THSD7B: variants seen among roughly 807,000 people sequenced by gnomAD.
The protein encoded by THSD7B is thrombospondin type-1 domain-containing protein 7B.
A neutral mutation model predicts 213.6 loss-of-function variants in THSD7B; 138 were observed. That is an observed-to-expected ratio of 0.65 (90% CI 0.56 to 0.74). The LOEUF (loss-of-function observed/expected upper bound fraction) is 0.74. THSD7B is among the 30% of genes least tolerant of loss of function. The pLI is 0.00. For missense variants in THSD7B, 1,931 were observed against 1,991.5 expected, an observed-to-expected ratio of 0.97 and a Z score of 0.58; for synonymous variants, 742 against 687.0, an observed-to-expected ratio of 1.08 and a Z score of -1.25.
In THSD7B at chr2:137,102,253, T is replaced by A. The variant is rs1328897192; in HGVS notation, c.1199+7132T>A. ...TGGAGATACCCAGGCAAACAGAGCC[T>A]GAAGTGGACCTCCAGCAGACTCCAG... On this transcript the variant is annotated intron_variant, in intron 4 of 27. Coordinates refer to ENST00000409968, the MANE Select transcript of THSD7B (RefSeq NM_001316349.2). 3.4e-3 allele frequency among the ~76,000 whole-genome samples: 517 copies of A among 152,304 alleles called. 3 individuals are homozygous for A. The highest frequency in any genetic ancestry group is 0.011 in the African/African-American group (438 of 41,560).
At chr2:137,445,565 G>A (rs900736825) in intron 14 of THSD7B, among the ~76,000 whole-genome samples, 1 of 151,840 alleles carries the variant, frequency 6.6e-6, no homozygotes, top group Admixed American at 6.6e-5. Flanking sequence ...AAACAATATG[G>A]ATCTCATGGA....
intron 1 of THSD7B, among the ~76,000 whole-genome samples, chr2:136,816,634 T>C (rs1467431443): frequency 1.3e-5 from 2 of 152,212 alleles, no homozygotes; most frequent in Non-Finnish European, 2.9e-5. Context: ...GATTTTTGCA[T>C]AGGATTTCTT....
intron 1 of THSD7B, among the ~76,000 whole-genome samples, chr2:136,834,964 C>A (rs1355252069): frequency 6.6e-6 from 1 of 151,882 alleles, no homozygotes; most frequent in Non-Finnish European, 1.5e-5. Context: ...CTCATAAAAC[C>A]AGTGAGAGAG....
At chr2:136,878,616 G>T (rs1683565538) in intron 1 of THSD7B, among the ~76,000 whole-genome samples, 1 of 151,966 alleles carries the variant, frequency 6.6e-6, no homozygotes, top group Non-Finnish European at 1.5e-5. Flanking sequence ...CATTCTAACT[G>T]GTGTGAGATG....
At chr2:137,366,062 T>TA (rs1685399273) in intron 12 of THSD7B, among the ~76,000 whole-genome samples, 1 of 147,392 alleles carries the variant, frequency 6.8e-6, no homozygotes, top group East Asian at 2.0e-4. Flanking sequence ...TATGCAGCCA[T>TA]AAAAAAGGAC....
intron 2 of THSD7B, among the ~76,000 whole-genome samples, chr2:136,991,151 G>A (rs1225292229): frequency 1.3e-5 from 2 of 152,186 alleles, no homozygotes; most frequent in East Asian, 3.8e-4. Flanking sequence ...TAAAACTCAA[G>A]AGATTTTTCA....
rs867378045 is a variant in THSD7B at position 137,448,614 on chromosome 2, G to A, written c.2960-2231G>A. Among the ~76,000 whole-genome samples, 5 of 152,060 alleles carry A rather than the reference G, an allele frequency of 3.3e-5. No individual in the cohort carries two copies. The East Asian group carries it at 5.8e-4, about 18-fold the overall frequency. Reference sequence around the variant, plus strand: ...CACGAGGTCAGGAGATTGACACCACGGTGAAACCCCATCTCTACTAAAAAT... The same window carrying A: ...CACGAGGTCAGGAGATTGACACCACAGTGAAACCCCATCTCTACTAAAAAT... On this transcript the variant is annotated intron_variant, in intron 14 of 27. Coordinates refer to ENST00000409968, the MANE Select transcript of THSD7B (RefSeq NM_001316349.2).
At chr2:136,983,371 G>GACACA (rs1398395384) in intron 2 of THSD7B, among the ~76,000 whole-genome samples, 2 of 141,114 alleles carry the variant, frequency 1.4e-5, no homozygotes, top group Admixed American at 7.2e-5. Context: ...ACACACACAC[G>GACACA]CACACACACT....
At chr2:137,102,212 G>T (rs1041317488) in intron 4 of THSD7B, among the ~76,000 whole-genome samples, 2 of 152,220 alleles carry the variant, frequency 1.3e-5, no homozygotes, top group Non-Finnish European at 2.9e-5. Flanking sequence ...GCAATCTGCT[G>T]TTCTGCAGCC....
At chr2:136,857,473 C>T (rs1683194172) in intron 1 of THSD7B, among the ~76,000 whole-genome samples, 1 of 152,214 alleles carries the variant, frequency 6.6e-6, no homozygotes, top group East Asian at 1.9e-4. Flanking sequence ...TGTTCTTTTA[C>T]CAAGTCCTAG....
At chr2:137,452,691 CT>C (rs1323556999) in intron 15 of THSD7B, among the ~76,000 whole-genome samples, 1 of 152,108 alleles carries the variant, frequency 6.6e-6, no homozygotes, top group Non-Finnish European at 1.5e-5. Flanking sequence ...TTTATTTGAA[CT>C]CTGAGTTTAA....
chr2:137,457,271 A>G (rs1558803187), intron 15 of THSD7B, among the ~76,000 whole-genome samples: 1 of 151,932 alleles, frequency 6.6e-6, no homozygotes, highest in Non-Finnish European at 1.5e-5. Context: ...ATTTTACTAT[A>G]TTTTTTCATA....
chr2:137,228,886 A>G (rs984383427), intron 7 of THSD7B, among the ~76,000 whole-genome samples: 1 of 152,190 alleles, frequency 6.6e-6, no homozygotes, highest in Non-Finnish European at 1.5e-5. Flanking sequence ...TGCCTTGGAC[A>G]TAGTATTTAC....
intron 2 of THSD7B, among the ~76,000 whole-genome samples, chr2:137,053,141 C>T (rs1366794027): frequency 6.6e-6 from 1 of 152,146 alleles, no homozygotes. Flanking sequence ...ATACTGCCTT[C>T]ATTACCTGTT....
intron 15 of THSD7B, among the ~76,000 whole-genome samples, chr2:137,560,711 T>C (rs910154663): frequency 2.0e-5 from 3 of 151,868 alleles, no homozygotes; most frequent in African/African-American, 4.8e-5. Flanking sequence ...TAAGGTATAA[T>C]AAAATATATA....
At chr2:137,399,054 G>A (rs932886164) in intron 12 of THSD7B, among the ~76,000 whole-genome samples, 128 of 151,836 alleles carry the variant, frequency 8.4e-4, no homozygotes, top group African/African-American at 2.1e-3. Context: ...ACTGACCTGC[G>A]CCCACTGTCT....
chr2:137,644,872 G>A (rs997970369), intron 21 of THSD7B, among the ~76,000 whole-genome samples: 1 of 152,066 alleles, frequency 6.6e-6, no homozygotes, highest in Middle Eastern at 3.2e-3. Flanking sequence ...GGGCACAGTG[G>A]GTGTGCCAAT....
chr2:137,461,128 C>T (rs544522243), intron 15 of THSD7B, among the ~76,000 whole-genome samples: 4 of 151,952 alleles, frequency 2.6e-5, no homozygotes, highest in South Asian at 4.2e-4. Flanking sequence ...ATGGGCATTT[C>T]GGTTATTTCC....
chr2:137,463,271 A>G (rs903062296), intron 15 of THSD7B, among the ~76,000 whole-genome samples: 24 of 152,148 alleles, frequency 1.6e-4, no homozygotes, highest in African/African-American at 5.8e-4. Flanking sequence ...CTGTATTCAG[A>G]GCAAGGAGAT....
Sources: allele counts gnomAD v4.1 joint callset (sites outside exome capture counted in the v4.1 genomes callset), GRCh38; gene constraint gnomAD v4.1.1; transcripts MANE v1.5; gene names NCBI Gene and HGNC (gene_info 2026-07-23, HGNC 2026-07-21).